The following NKAIN1 variants were observed in gnomAD, a reference collection of about 807,000 sequenced individuals.
The protein encoded by NKAIN1 is sodium/potassium-transporting ATPase subunit beta-1-interacting protein 1.
Under a neutral mutation model 31.6 loss-of-function variants are expected in NKAIN1, and 13 were observed. The observed-to-expected ratio is 0.41, with a 90% CI of 0.27 to 0.65. The LOEUF (loss-of-function observed/expected upper bound fraction) is 0.65. Among genes scored for constraint, NKAIN1 ranks in the 30% least tolerant of loss-of-function variants. The pLI is 0.30. For synonymous variants in NKAIN1, 104 were observed against 109.0 expected, an observed-to-expected ratio of 0.95 and a Z score of 0.28; for missense variants, 193 against 262.2, an observed-to-expected ratio of 0.74 and a Z score of 1.82.
intron 1 of NKAIN1, among the ~76,000 whole-genome samples, chr1:31,217,561 G>T (rs558645620): frequency 6.6e-6 from 1 of 152,336 alleles, no homozygotes; most frequent in South Asian, 2.1e-4. Context: ...AAGACCATGG[G>T]GAAAGGCTCT....
chr1:31,186,812 G>A (rs1557649461), intron 2 of NKAIN1, among the ~76,000 whole-genome samples: 1 of 152,248 alleles, frequency 6.6e-6, no homozygotes, highest in Non-Finnish European at 1.5e-5. Flanking sequence ...GGGAGGGACT[G>A]GGAGCAGCAA....
chr1:31,207,550 TTCACCCCAC>T (rs1213413029), intron 1 of NKAIN1, among the ~76,000 whole-genome samples: 1 of 152,060 alleles, frequency 6.6e-6, no homozygotes, highest in African/African-American at 2.4e-5. Context: ...CAGGTGGTAT[TTCACCCCAC>T]TCATCCCCAA....
rs746658195 is a variant in NKAIN1 at position 31,239,369 on chromosome 1, A to G, written c.54+125T>C. ...CCCGACCGCTCCGAGACTCCAGACC[A>G]CCCCCCGCCCGGGCACACGCACCAG... On this transcript the variant is annotated intron_variant, in intron 1 of 6. Transcript: ENST00000373736. The surrounding 1 kb of genome is among the most constrained non-coding windows in gnomAD (Gnocchi z 4.8). 3.2e-6 allele frequency: 2 copies of G among 618,002 alleles called. No individual in the cohort carries two copies. Among genetic ancestry groups the G allele is most frequent in the Non-Finnish European group, 4.7e-6 (2 of 422,624 alleles). 38.3% of individuals were successfully genotyped at this position (618,002 alleles called of 1,614,324 possible). A position where few individuals can be genotyped will look rare whatever the true frequency, so the allele number is the denominator to read the frequency against.
intron 1 of NKAIN1, among the ~76,000 whole-genome samples, chr1:31,236,755 G>T (rs1029175672): frequency 2.0e-5 from 3 of 152,212 alleles, no homozygotes; most frequent in Admixed American, 6.5e-5. Flanking sequence ...GTGCTGGTGA[G>T]CTCCTCTAAG....
rs141733052 is a variant in NKAIN1, at chr1:31,194,509, T to C, written c.55-6322A>G. 4.3e-3 allele frequency among the ~76,000 whole-genome samples: 603 copies of C among 141,556 alleles called. 31 individuals are homozygous for C. In the East Asian group the frequency reaches 0.1, roughly 25 times the overall value. 92.9% of individuals were successfully genotyped at this position (141,556 alleles called of 152,430 possible). ...GCAACCTCCGCCTCCCGGGTTCAAG[T>C]GATTCTCCTGCCTCAGCCTCCCGAG... On this transcript the variant is annotated intron_variant, in intron 1 of 6. Coordinates refer to ENST00000373736, the MANE Select transcript of NKAIN1 (RefSeq NM_024522.3).
rs891176002 is a variant in NKAIN1, at chr1:31,233,903, C to T, written c.54+5591G>A. On this transcript the variant is annotated intron_variant, in intron 1 of 6. Transcript: ENST00000373736. The surrounding 1 kb of genome is among the most constrained non-coding windows in gnomAD (Gnocchi z 4.0). ...AGGCTCAGAGAGGGTGCAGGACTTCCTGGGAGTCACAAAGCAAGGCCTGAT... is the reference window on the plus strand; with the variant it reads ...AGGCTCAGAGAGGGTGCAGGACTTCTTGGGAGTCACAAAGCAAGGCCTGAT... 6.6e-6 allele frequency among the ~76,000 whole-genome samples: 1 copy of T among 152,192 alleles called. No individual in the cohort carries two copies. Among genetic ancestry groups the T allele is most frequent in the Non-Finnish European group, 1.5e-5 (1 of 68,008 alleles).
At chr1:31,232,454 GA>G (rs1645660696) in intron 1 of NKAIN1, among the ~76,000 whole-genome samples, 1 of 125,310 alleles carries the variant, frequency 8.0e-6, no homozygotes, top group African/African-American at 2.8e-5. Context: ...GAGAGAGAGA[GA>G]GAGAGAGAGA....
chr1:31,189,151 C>A (rs917716519), intron 1 of NKAIN1, among the ~76,000 whole-genome samples: 1 of 152,048 alleles, frequency 6.6e-6, no homozygotes, highest in Non-Finnish European at 1.5e-5. Flanking sequence ...AGCGAAGGCA[C>A]CCCGGCTAAT....
In NKAIN1 at chr1:31,227,623, C is replaced by T. The variant is rs1380242663; in HGVS notation, c.54+11871G>A. Among the ~76,000 whole-genome samples, 7 of 145,290 alleles carry T rather than the reference C, an allele frequency of 4.8e-5. No individual in the cohort carries two copies. The East Asian group carries it at 6.1e-4, about 13-fold the overall frequency. Reference sequence around the variant, plus strand: ...CCATTTTATATACGGGGAAGCACAGCCCCCAAGAGGGCCAAGGACTTGCCC... The same window carrying T: ...CCATTTTATATACGGGGAAGCACAGTCCCCAAGAGGGCCAAGGACTTGCCC... On this transcript the variant is annotated intron_variant, in intron 1 of 6. Transcript: ENST00000373736.
chr1:31,228,219 G>T (rs980590163), intron 1 of NKAIN1, among the ~76,000 whole-genome samples: 3 of 152,112 alleles, frequency 2.0e-5, no homozygotes, highest in African/African-American at 7.2e-5. Flanking sequence ...CACATCTCTG[G>T]TTCAGGCTGG....
chr1:31,218,025 TTTCTTTCTTTC>T (rs1331496787), intron 1 of NKAIN1, among the ~76,000 whole-genome samples: 1 of 88,242 alleles, frequency 1.1e-5, no homozygotes, highest in African/African-American at 6.0e-5. Flanking sequence ...ATTTTCTTTC[TTTCTTTCTTTC>T]TTTCTTTCTT....
intron 1 of NKAIN1, among the ~76,000 whole-genome samples, chr1:31,198,069 G>A (rs1324675647): frequency 6.6e-6 from 1 of 152,154 alleles, no homozygotes. Context: ...GTTATGGTCT[G>A]TCTCCTGCAG....
chr1:31,211,856 C>T (rs1048363551), intron 1 of NKAIN1, among the ~76,000 whole-genome samples: 3 of 152,042 alleles, frequency 2.0e-5, no homozygotes, highest in Non-Finnish European at 4.4e-5. Flanking sequence ...GTAGGAGAAT[C>T]GCTTGAACCC....
intron 1 of NKAIN1, among the ~76,000 whole-genome samples, chr1:31,207,148 A>G (rs1645431219): frequency 1.3e-5 from 2 of 152,202 alleles, no homozygotes; most frequent in African/African-American, 2.4e-5. Context: ...TTGTTCCCCA[A>G]GAAGCTGTAC....
intron 2 of NKAIN1, among the ~76,000 whole-genome samples, chr1:31,185,883 C>T (rs1262350193): frequency 6.6e-6 from 1 of 152,118 alleles, no homozygotes; most frequent in Non-Finnish European, 1.5e-5. Flanking sequence ...GCCTGGCTCA[C>T]CACTGCAATG....
intron 1 of NKAIN1, among the ~76,000 whole-genome samples, chr1:31,206,304 A>G (rs965470455): frequency 6.9e-6 from 1 of 145,402 alleles, no homozygotes; most frequent in Non-Finnish European, 1.5e-5. Flanking sequence ...AAACATTTTA[A>G]AAAAGAAGCC....
intron 3 of NKAIN1, among the ~76,000 whole-genome samples, chr1:31,184,815 C>T (rs188134118): frequency 8.5e-5 from 13 of 152,230 alleles, no homozygotes; most frequent in Non-Finnish European, 1.6e-4. Flanking sequence ...CCTGAACAAA[C>T]TCTAACTAGT....
rs1645203519 is a variant in NKAIN1 at position 31,181,890 on chromosome 1, G to A, written c.584C>T (p.Thr195Met). 3.7e-6 allele frequency: 6 copies of A among 1,608,238 alleles called. No homozygotes were observed. The highest frequency in any genetic ancestry group is 1.7e-4 in the Middle Eastern group (1 of 6,054). Residue 195 changes from threonine to methionine, a missense_variant, in exon 6 of 7, where the codon ACG becomes ATG. Coordinates refer to ENST00000373736, the MANE Select transcript of NKAIN1 (RefSeq NM_024522.3). ...DSYGYQAPQK[T>M]SHLQLQPLYT... is the part of the protein sequence containing the mutation. ...CAGAGGCTGCAGCTGTAAATGCGAC[G>A]TCTTCTGGGGCGCCTGGTATCCGTA...
intron 1 of NKAIN1, among the ~76,000 whole-genome samples, chr1:31,225,033 C>CT (rs1553163963): frequency 0.012 from 1,401 of 112,134 alleles, 22 homozygotes; most frequent in South Asian, 0.016. Context: ...CTTTTCTTTT[C>CT]TTTTTTTTTT....
Sources: allele counts gnomAD v4.1 joint callset (sites outside exome capture counted in the v4.1 genomes callset), GRCh38; gene constraint gnomAD v4.1.1; non-coding constraint Gnocchi (gnomAD v3.1); transcripts MANE v1.5; gene names NCBI Gene and HGNC (gene_info 2026-07-23, HGNC 2026-07-21).